The following PBX3 variants were observed in gnomAD, a reference collection of about 807,000 sequenced individuals.
The protein encoded by PBX3 is PBX homeobox 3.
Under a neutral mutation model 48.5 loss-of-function variants are expected in PBX3, and 14 were observed. The observed-to-expected ratio is 0.29, with a 90% CI of 0.19 to 0.45. PBX3 has a LOEUF of 0.45. Ranked by LOEUF, PBX3 falls within the 20% of genes least tolerant of loss-of-function variation. PBX3 has a pLI of 1.00. For missense variants in PBX3, 386 were observed against 546.7 expected (o/e 0.71, Z 2.93); for synonymous variants, 210 against 200.3 (o/e 1.05, Z -0.41).
intron 5 of PBX3, chr9:125,949,390 G>A (rs771936841): frequency 6.4e-7 from 1 of 1,550,862 alleles, no homozygotes; most frequent in South Asian, 1.2e-5. Context: ...TCTTGTAAAG[G>A]ATCCAAAAGA....
At chr9:125,861,018 C>T (rs538033564) in intron 2 of PBX3, among the ~76,000 whole-genome samples, 3 of 150,410 alleles carry the variant, frequency 2.0e-5, no homozygotes, top group Non-Finnish European at 4.4e-5. Context: ...CATGGTGGCT[C>T]ATCATGCCTA....
chr9:125,957,920 T>A (rs964307599), intron 5 of PBX3, among the ~76,000 whole-genome samples: 1 of 152,202 alleles, frequency 6.6e-6, no homozygotes, highest in Non-Finnish European at 1.5e-5. Flanking sequence ...AAAAGAGCTT[T>A]TTGCAAGCCA....
rs539866237 is a variant in PBX3 at position 125,820,519 on chromosome 9, T to G, written c.274+71896T>G. Among the ~76,000 whole-genome samples, 5 of 152,302 alleles carry G rather than the reference T, an allele frequency of 3.3e-5. No individual in the cohort carries two copies. In the East Asian group the frequency reaches 9.6e-4, roughly 29 times the overall value. ...ACCATGGTGCACAGCATTGAAGAAT[T>G]TCATATTGTGACAACACATCAAAAT... On this transcript the variant is annotated intron_variant, in intron 2 of 8. Coordinates refer to ENST00000373489, the MANE Select transcript of PBX3 (RefSeq NM_006195.6).
chr9:125,960,190 G>T (rs1407506155), intron 5 of PBX3, among the ~76,000 whole-genome samples: 1 of 152,238 alleles, frequency 6.6e-6, no homozygotes, highest in East Asian at 1.9e-4. Flanking sequence ...TGAGGCAAAA[G>T]ACAAAGGGTT....
chr9:125,848,359 A>G (rs531979536), intron 2 of PBX3, among the ~76,000 whole-genome samples: 14 of 152,012 alleles, frequency 9.2e-5, no homozygotes, highest in African/African-American at 3.4e-4. Context: ...AGGGGTAAAA[A>G]CATTGTGGTT....
chr9:125,867,847 C>CAT (rs1273490508), intron 2 of PBX3, among the ~76,000 whole-genome samples: 1 of 151,444 alleles, frequency 6.6e-6, no homozygotes, highest in Admixed American at 6.6e-5. Context: ...CACACACACA[C>CAT]ATACATATAT....
chr9:125,803,193 C>G (rs370929297), intron 2 of PBX3, among the ~76,000 whole-genome samples: 2 of 149,888 alleles, frequency 1.3e-5, no homozygotes, highest in African/African-American at 4.9e-5. Flanking sequence ...AGGTGATCCT[C>G]CCTCCCACCT....
chr9:125,752,439 T>C (rs1285636537), intron 2 of PBX3, among the ~76,000 whole-genome samples: 1 of 152,212 alleles, frequency 6.6e-6, no homozygotes, highest in Non-Finnish European at 1.5e-5. Context: ...GAATTTTAGA[T>C]ATTAAAACTA....
chr9:125,859,382 A>G (rs1347871348), intron 2 of PBX3, among the ~76,000 whole-genome samples: 1 of 152,182 alleles, frequency 6.6e-6, no homozygotes, highest in African/African-American at 2.4e-5. Flanking sequence ...AGGGAAGGCA[A>G]TGAAGAACAT....
chr9:125,889,682 G>C (rs1399017435), intron 2 of PBX3, among the ~76,000 whole-genome samples: 1 of 151,900 alleles, frequency 6.6e-6, no homozygotes, highest in Non-Finnish European at 1.5e-5. Context: ...CACGGAGGCT[G>C]CTCCATTTAC....
intron 5 of PBX3, among the ~76,000 whole-genome samples, chr9:125,939,726 G>A (rs1212564166): frequency 6.6e-6 from 1 of 152,116 alleles, no homozygotes; most frequent in East Asian, 1.9e-4. Context: ...ATCCCACAAT[G>A]GAGCACTATT....
At chr9:125,786,834 C>T (rs1837469952) in intron 2 of PBX3, among the ~76,000 whole-genome samples, 1 of 151,586 alleles carries the variant, frequency 6.6e-6, no homozygotes, top group Non-Finnish European at 1.5e-5. Flanking sequence ...AAGTGATTCT[C>T]TCACCTCAGC....
intron 5 of PBX3, among the ~76,000 whole-genome samples, chr9:125,958,076 TCACATAATTC>T (rs1309828675): frequency 2.6e-5 from 4 of 152,212 alleles, no homozygotes; most frequent in East Asian, 3.8e-4. Flanking sequence ...GTTTTTAGAA[TCACATAATTC>T]TGGTATGGAT....
intron 2 of PBX3, among the ~76,000 whole-genome samples, chr9:125,754,724 T>C (rs1836466271): frequency 6.6e-6 from 1 of 152,074 alleles, no homozygotes; most frequent in Non-Finnish European, 1.5e-5. Flanking sequence ...AATATGTTTG[T>C]AGGTTTTAAT....
At chr9:125,899,394 T>TA (rs1408333287) in intron 2 of PBX3, among the ~76,000 whole-genome samples, 1 of 134,348 alleles carries the variant, frequency 7.4e-6, no homozygotes, top group Non-Finnish European at 1.7e-5. Context: ...TTTATATAAA[T>TA]ATACAAATAT....
At chr9:125,882,885 C>T (rs551420149) in intron 2 of PBX3, among the ~76,000 whole-genome samples, 66 of 152,260 alleles carry the variant, frequency 4.3e-4, no homozygotes, top group African/African-American at 1.5e-3. Context: ...GGGAAAAGAA[C>T]TCTGAAATGA....
At chr9:125,831,900 A>C (rs1838972363) in intron 2 of PBX3, among the ~76,000 whole-genome samples, 1 of 152,144 alleles carries the variant, frequency 6.6e-6, no homozygotes, top group Non-Finnish European at 1.5e-5. Context: ...CCAGATGTAG[A>C]ATCTGCCATT....
intron 8 of PBX3, among the ~76,000 whole-genome samples, chr9:125,964,363 GTTT>G (rs1335738142): frequency 3.9e-5 from 6 of 152,158 alleles, no homozygotes; most frequent in Non-Finnish European, 5.9e-5. Flanking sequence ...CTGTGTGAGA[GTTT>G]TTCTTTTCCT....
rs1328869692 is a variant in PBX3, at chr9:125,759,957, TGCTGTTGTCAAGTGCCGCTGA to T, written c.274+11337_274+11357del. Among the ~76,000 whole-genome samples the T allele has an allele frequency of 6.6e-6, 1 of 152,234 alleles. No homozygotes were observed. The highest frequency in any genetic ancestry group is 1.5e-5 in the Non-Finnish European group (1 of 68,040). On this transcript the variant is annotated intron_variant, in intron 2 of 8. Coordinates refer to ENST00000373489, the MANE Select transcript of PBX3 (RefSeq NM_006195.6). This position sits in a 1 kb window ranked among gnomAD's most constrained non-coding sequence, Gnocchi z 4.2. ...TTGAGGGTTACAATTGTGGGAGCAC[TGCTGTTGTCAAGTGCCGCTGA>T]GCAGCTCTGCTCCATCAGTTGCCTC...
Sources: allele counts gnomAD v4.1 joint callset (sites outside exome capture counted in the v4.1 genomes callset), GRCh38; gene constraint gnomAD v4.1.1; non-coding constraint Gnocchi (gnomAD v3.1); transcripts MANE v1.5; gene names NCBI Gene and HGNC (gene_info 2026-07-23, HGNC 2026-07-21).